The following FAM135A variants were observed in gnomAD, a reference collection of about 807,000 sequenced individuals.
FAM135A encodes protein FAM135A.
In FAM135A, 79 loss-of-function variants were observed where a neutral mutation model predicts 146.8. The ratio of observed to expected loss-of-function variants is 0.54; its 90% CI spans 0.45 to 0.65. FAM135A has a LOEUF of 0.65. FAM135A is among the 30% of genes least tolerant of loss of function. The pLI, the probability that FAM135A is intolerant of heterozygous loss-of-function variation, is 0.00. For missense variants in FAM135A, 1,623 were observed against 1,758.2 expected (o/e 0.92, Z 1.38); for synonymous variants, 562 against 603.6 (o/e 0.93, Z 1.01).
Position 70,491,027 on chromosome 6 carries a change from C to T in FAM135A, c.824-7C>T. The T allele has an allele frequency of 6.3e-7, 1 of 1,583,070 alleles. No individual in the cohort carries two copies. The highest frequency in any genetic ancestry group is 8.6e-7 in the Non-Finnish European group (1 of 1,166,050). On this transcript the variant is annotated splice_polypyrimidine_tract_variant and splice_region_variant and intron_variant, in intron 10 of 21. Coordinates refer to ENST00000418814, the MANE Select transcript of FAM135A (RefSeq NM_001162529.3). ...GGAATATTTCCTCTACTCTTTACTC[C>T]TTCCAGAGGAAATGGATGTAGAAGC...
intron 4 of FAM135A, among the ~76,000 whole-genome samples, chr6:70,435,671 C>T (rs761156676): frequency 1.3e-5 from 2 of 152,122 alleles, no homozygotes; most frequent in Non-Finnish European, 2.9e-5. Flanking sequence ...AGGCATGCGT[C>T]ACCATGCCCT....
rs531391949 is a variant in FAM135A, at chr6:70,436,316, A to G, written c.77+7897A>G. ...TCTGAAATTGTCTGTCTTCAGTAAG[A>G]TATAAGGACTGAGAATACTCGATAA... On this transcript the variant is annotated intron_variant, in intron 4 of 21. Coordinates refer to ENST00000418814, the MANE Select transcript of FAM135A (RefSeq NM_001162529.3). Among the ~76,000 whole-genome samples, 228 of 152,258 alleles carry G rather than the reference A, an allele frequency of 1.5e-3. 1 individual carries two copies. The highest frequency in any genetic ancestry group is 5.3e-3 in the African/African-American group (219 of 41,550).
chr6:70,427,382 A>AT (rs1457847511), intron 3 of FAM135A, among the ~76,000 whole-genome samples: 1 of 152,140 alleles, frequency 6.6e-6, no homozygotes, highest in Non-Finnish European at 1.5e-5. Flanking sequence ...AAATACAAAA[A>AT]TTAGCTGAGC....
chr6:70,506,738 C>T (rs1280237501), intron 12 of FAM135A, among the ~76,000 whole-genome samples: 25 of 132,964 alleles, frequency 1.9e-4, no homozygotes, highest in Admixed American at 3.0e-4. Flanking sequence ...TTTGTTTTTT[C>T]TTTTTTTTTT....
chr6:70,557,474 A>G (rs1186886901), intron 21 of FAM135A: 1 of 152,374 alleles, frequency 6.6e-6, no homozygotes, highest in South Asian at 2.1e-4. Context: ...CAGGTAGATC[A>G]CCTGAGGTCA....
intron 11 of FAM135A, among the ~76,000 whole-genome samples, chr6:70,499,989 T>A (rs1788121882): frequency 6.6e-6 from 1 of 152,166 alleles, no homozygotes; most frequent in African/African-American, 2.4e-5. Context: ...ATTTTAGTGC[T>A]GTTCTCTGTA....
At chr6:70,498,310 C>T (rs1253173185) in intron 11 of FAM135A, among the ~76,000 whole-genome samples, 1 of 152,110 alleles carries the variant, frequency 6.6e-6, no homozygotes, top group Non-Finnish European at 1.5e-5. Flanking sequence ...TCTGTAGGGT[C>T]AGTGGTGATA....
intron 9 of FAM135A, 24 bp downstream of exon 9, chr6:70,481,051 A>G: frequency 6.5e-7 from 1 of 1,528,332 alleles, no homozygotes; most frequent in Non-Finnish European, 8.8e-7. Flanking sequence ...ATGTTTATAA[A>G]TCTTCTCCTT....
At chr6:70,506,701 G>A (rs1447647934) in intron 12 of FAM135A, among the ~76,000 whole-genome samples, 1 of 149,694 alleles carries the variant, frequency 6.7e-6, no homozygotes, top group Non-Finnish European at 1.5e-5. Context: ...GTAATCTTCA[G>A]GGTATTTTTT....
intron 20 of FAM135A, among the ~76,000 whole-genome samples, chr6:70,539,321 A>G (rs763139254): frequency 1.3e-5 from 2 of 152,198 alleles, no homozygotes; most frequent in Non-Finnish European, 2.9e-5. Flanking sequence ...AAGGCCAGAT[A>G]GTAAGTATTT....
chr6:70,502,663 G>A lies in FAM135A; in HGVS notation c.901G>A (p.Glu301Lys). The A allele has an allele frequency of 6.2e-7, 1 of 1,611,442 alleles. No individual in the cohort carries two copies. Among genetic ancestry groups the A allele is most frequent in the Non-Finnish European group, 8.5e-7 (1 of 1,178,888 alleles). ...AATAGAGAATCCTGATGAACTGGCA[G>A]AACTTATAAATATGAATCTTGCGCA... is the stretch of plus-strand genomic sequence containing the variant. Reference protein sequence around the residue: ...KKIENPDELAELINMNLAQLC... With the variant: ...KKIENPDELAKLINMNLAQLC... Residue 301 changes from glutamate to lysine, a missense_variant, in exon 12 of 22, where the codon GAA becomes AAA. This residue lies in a region of FAM135A where 206 missense variants were observed against 194.7 expected (regional missense o/e 1.06). Coordinates refer to ENST00000418814, the MANE Select transcript of FAM135A (RefSeq NM_001162529.3).
Position 70,560,048 on chromosome 6 carries a change from T to G in FAM135A, c.*127T>G, listed in dbSNP as rs1562046551. Reference sequence around the variant, plus strand: ...TATACCTTTTTATATGGAAGATAATTTATATCATCCATGTTTAGTGCTTTT... The same window carrying G: ...TATACCTTTTTATATGGAAGATAATGTATATCATCCATGTTTAGTGCTTTT... On this transcript the variant is annotated 3_prime_UTR_variant, in exon 22 of 22. Coordinates refer to ENST00000418814, the MANE Select transcript of FAM135A (RefSeq NM_001162529.3). 2.7e-6 allele frequency: 2 copies of G among 730,272 alleles called. No individual in the cohort carries two copies. The highest frequency in any genetic ancestry group is 2.1e-6 in the Non-Finnish European group (1 of 468,926). 45.2% of individuals were successfully genotyped at this position (730,272 alleles called of 1,614,324 possible).
In FAM135A at chr6:70,502,118, C is replaced by T. The variant is rs1368424380; in HGVS notation, c.874-518C>T. ...GACAATTCTGTAAAAGGATTACTCA[C>T]AAGTGAAGTAGAATCTAAGAACATA... is the stretch of plus-strand genomic sequence containing the variant. On this transcript the variant is annotated intron_variant, in intron 11 of 21. Coordinates refer to ENST00000418814, the MANE Select transcript of FAM135A (RefSeq NM_001162529.3). 2.6e-5 allele frequency among the ~76,000 whole-genome samples: 4 copies of T among 152,058 alleles called. No individual in the cohort carries two copies. In the East Asian group the frequency reaches 7.7e-4, roughly 29 times the overall value.
chr6:70,508,130 T>C (rs918202855), intron 12 of FAM135A, among the ~76,000 whole-genome samples: 2 of 152,176 alleles, frequency 1.3e-5, no homozygotes, highest in African/African-American at 2.4e-5. Context: ...AACTCTGTGC[T>C]TAGGGATCCA....
intron 12 of FAM135A, among the ~76,000 whole-genome samples, chr6:70,514,031 C>T (rs1175068211): frequency 6.6e-6 from 1 of 151,178 alleles, no homozygotes; most frequent in Admixed American, 6.6e-5. Flanking sequence ...TGCTGATATT[C>T]TTGGAGCTCT....
Position 70,525,238 on chromosome 6 carries a change from A to G in FAM135A, c.2154A>G (p.Gln718=), listed in dbSNP as rs1210918502. The change falls in exon 15 of 22, where the codon CAA becomes CAG. Residue 718 remains glutamine, a synonymous_variant. Transcript: ENST00000418814. ...TAACATTTGAAAAGGAAGCTTTGCA[A>G]GAAGCAAAGTGTCTTTCTATTGGAG... ...IEITFEKEAL[Q]EAKCLSIGES... 6 of 1,600,062 alleles carry G rather than the reference A, an allele frequency of 3.7e-6. No individual in the cohort carries two copies. Among genetic ancestry groups the G allele is most frequent in the South Asian group, 1.1e-5 (1 of 87,962 alleles).
intron 12 of FAM135A, among the ~76,000 whole-genome samples, chr6:70,505,509 A>G (rs1789565978): frequency 6.6e-6 from 1 of 151,960 alleles, no homozygotes; most frequent in Non-Finnish European, 1.5e-5. Context: ...TTAGATTAAG[A>G]TGACACAGTA....
intron 11 of FAM135A, among the ~76,000 whole-genome samples, chr6:70,502,353 A>G (rs2128251765): frequency 6.6e-6 from 1 of 152,300 alleles, no homozygotes; most frequent in Middle Eastern, 3.4e-3. Context: ...TAGCATCCTA[A>G]TTTGTAATTT....
intron 12 of FAM135A, among the ~76,000 whole-genome samples, chr6:70,507,719 A>G (rs1474405713): frequency 1.1e-4 from 16 of 152,154 alleles, no homozygotes; most frequent in Admixed American, 1.0e-3. Context: ...GTACACATTC[A>G]TGCTACATCA....
Sources: gnomAD v4.1 joint callset for allele counts (sites outside exome capture counted in the v4.1 genomes callset) on GRCh38, gnomAD v4.1.1 for gene constraint, gnomAD v4.1.1 regional missense constraint, MANE v1.5 for transcripts, NCBI Gene and HGNC (gene_info 2026-07-23, HGNC 2026-07-21) for gene names.